FBN1: variants seen among roughly 807,000 people sequenced by gnomAD.
The protein encoded by FBN1 is fibrillin 1.
A neutral mutation model predicts 365.1 loss-of-function variants in FBN1; 29 were observed. The ratio of observed to expected loss-of-function variants is 0.08; its 90% CI spans 0.06 to 0.11. FBN1 has a LOEUF of 0.11. FBN1 is among the 10% of genes least tolerant of loss of function. The pLI, the probability that FBN1 is intolerant of heterozygous loss-of-function variation, is 1.00. For synonymous variants in FBN1, 1,210 were observed against 1,270.5 expected, an observed-to-expected ratio of 0.95 and a Z score of 1.01; for missense variants, 2,476 against 3,703.2, an observed-to-expected ratio of 0.67 and a Z score of 8.60.
rs1025629175 is a variant in FBN1 at position 48,494,328 on chromosome 15, T to C, written c.2678-74A>G. The C allele has an allele frequency of 1.3e-5, 15 of 1,119,680 alleles. No homozygotes were observed. In the African/African-American group the frequency reaches 2.3e-4, roughly 17 times the overall value. The allele number at this position is 1,119,680 out of a possible 1,614,324, so 69.4% of individuals were successfully genotyped here. On this transcript the variant is annotated intron_variant, in intron 22 of 65. Coordinates refer to ENST00000316623, the MANE Select transcript of FBN1 (RefSeq NM_000138.5). ...ATATCCAGACTTTGCAGTTCTGACA[T>C]AGTGTAAGAAACATGAAAGATGACC...
At position 48,487,093 on chromosome 15, in the gene FBN1, C is replaced by T. The variant is rs370121450; in HGVS notation, c.3571G>A (p.Asp1191Asn). Residue 1191 changes from aspartate to asparagine, a missense_variant, in exon 29 of 66, where the codon GAT (aspartate) becomes AAT (asparagine). This residue lies in a region of FBN1 where 1,780 missense variants were observed against 2,840.8 expected (regional missense o/e 0.63). Coordinates refer to ENST00000316623, the MANE Select transcript of FBN1 (RefSeq NM_000138.5). Reference protein sequence around the residue: ...ACNPGYHSTPDRLFCVDIDEC... With the variant: ...ACNPGYHSTPNRLFCVDIDEC... ...AACTTACCAACACAAAATAGCCTAT[C>T]GGGAGTTGAATGGTAGCCAGGGTTG... The T allele has an allele frequency of 4.3e-6, 7 of 1,613,214 alleles. No homozygotes were observed. Among genetic ancestry groups the T allele is most frequent in the East Asian group, 2.2e-5 (1 of 44,876 alleles).
chr15:48,609,526 C>A (rs1370509006), intron 4 of FBN1, among the ~76,000 whole-genome samples: 2 of 152,216 alleles, frequency 1.3e-5, no homozygotes, highest in African/African-American at 4.8e-5. Flanking sequence ...CTGTGAACAG[C>A]GAGGGCTCGG....
chr15:48,614,477 C>A (rs142701268), intron 2 of FBN1, among the ~76,000 whole-genome samples: 253 of 152,284 alleles, frequency 1.7e-3, no homozygotes, highest in African/African-American at 5.9e-3. Context: ...TGGGAACCAA[C>A]ATAAGGTCTT....
intron 6 of FBN1, among the ~76,000 whole-genome samples, chr15:48,575,381 C>T (rs1276752923): frequency 1.3e-5 from 2 of 152,062 alleles, no homozygotes; most frequent in Admixed American, 6.6e-5. Context: ...GGGGTACAAG[C>T]GCAGGTTTCT....
intron 6 of FBN1, among the ~76,000 whole-genome samples, chr15:48,577,430 T>C (rs1405952720): frequency 6.6e-6 from 1 of 152,166 alleles, no homozygotes; most frequent in African/African-American, 2.4e-5. Context: ...AGAAACTCAG[T>C]TCTCAAAATT....
chr15:48,429,783 T>C (rs2043011168), intron 56 of FBN1, among the ~76,000 whole-genome samples: 1 of 152,226 alleles, frequency 6.6e-6, no homozygotes, highest in Non-Finnish European at 1.5e-5. Context: ...CAATCTGTAT[T>C]GTACAGAGTA....
In FBN1 at chr15:48,468,700, G is replaced by A. The variant is rs11855195; in HGVS notation, c.4460-166C>T. 0.098 allele frequency among the ~76,000 whole-genome samples: 14,711 copies of A among 149,928 alleles called. 860 individuals are homozygous for A. Among genetic ancestry groups the A allele is most frequent in the Non-Finnish European group, 0.13 (8,632 of 67,212 alleles). On this transcript the variant is annotated intron_variant, in intron 36 of 65. Coordinates refer to ENST00000316623, the MANE Select transcript of FBN1 (RefSeq NM_000138.5). ...TCCACTTCAGAGATAAAACACCTCA[G>A]GAAGGAAATATGATATAGTCTTTGG...
At chr15:48,548,445 T>C (rs1305961068) in intron 6 of FBN1, among the ~76,000 whole-genome samples, 1 of 152,236 alleles carries the variant, frequency 6.6e-6, no homozygotes, top group Non-Finnish European at 1.5e-5. Context: ...ACTCTAGTTC[T>C]AGCTAAGTGT....
chr15:48,568,985 T>C (rs996356780), intron 6 of FBN1, among the ~76,000 whole-genome samples: 16 of 152,036 alleles, frequency 1.1e-4, no homozygotes, highest in Non-Finnish European at 2.1e-4. Flanking sequence ...AAAAGACTGA[T>C]AATTTAGACA....
At chr15:48,441,384 AG>A (rs1354837781) in intron 50 of FBN1, among the ~76,000 whole-genome samples, 1 of 152,080 alleles carries the variant, frequency 6.6e-6, no homozygotes, top group African/African-American at 2.4e-5. Context: ...ATCTCTTCAG[AG>A]GTAGGGGATA....
intron 44 of FBN1, among the ~76,000 whole-genome samples, 162 bp from the exon 45 acceptor site, chr15:48,452,846 C>T (rs554210303): frequency 5.1e-4 from 77 of 152,300 alleles, no homozygotes; most frequent in African/African-American, 1.8e-3. Flanking sequence ...AATTTGGAAG[C>T]AACCAAGATG....
chr15:48,505,266 A>G (rs1367906144), intron 15 of FBN1, 119 bp from the exon 16 acceptor site: 2 of 1,191,650 alleles, frequency 1.7e-6, no homozygotes, highest in African/African-American at 3.0e-5. Flanking sequence ...ATGCAGCATC[A>G]GCAACAAAAG....
chr15:48,556,854 C>T (rs1318406560), intron 6 of FBN1, among the ~76,000 whole-genome samples: 2 of 152,156 alleles, frequency 1.3e-5, no homozygotes, highest in Non-Finnish European at 2.9e-5. Flanking sequence ...GTCTCAAGCA[C>T]ATATTTTTTA....
intron 14 of FBN1, among the ~76,000 whole-genome samples, chr15:48,509,394 A>G (rs1338909524): frequency 6.7e-6 from 1 of 149,370 alleles, no homozygotes; most frequent in African/African-American, 2.4e-5. Flanking sequence ...GGCTTTAGAA[A>G]GACCAAAGTG....
At chr15:48,512,263 A>T (rs1007863467) in intron 13 of FBN1, among the ~76,000 whole-genome samples, 1 of 152,234 alleles carries the variant, frequency 6.6e-6, no homozygotes, top group Non-Finnish European at 1.5e-5. Flanking sequence ...GGCAAATAAG[A>T]TTAACTCTTG....
intron 55 of FBN1, among the ~76,000 whole-genome samples, chr15:48,432,243 A>G (rs1390020069): frequency 6.6e-6 from 1 of 152,178 alleles, no homozygotes; most frequent in African/African-American, 2.4e-5. Flanking sequence ...GCAAAATTAT[A>G]TTTACGCCAT....
intron 6 of FBN1, among the ~76,000 whole-genome samples, chr15:48,571,645 A>T (rs2044306281): frequency 1.3e-5 from 2 of 152,174 alleles, no homozygotes; most frequent in South Asian, 4.1e-4. Flanking sequence ...TATTTAAAAA[A>T]TCCCTATGAT....
intron 8 of FBN1, among the ~76,000 whole-genome samples, chr15:48,531,512 G>A (rs1197355294): frequency 8.5e-5 from 13 of 152,092 alleles, no homozygotes; most frequent in Admixed American, 8.5e-4. Context: ...GCCACTCAAA[G>A]CAATGGCAAA....
At chr15:48,433,937 C>G (rs1028186746) in intron 54 of FBN1, among the ~76,000 whole-genome samples, 1 of 152,168 alleles carries the variant, frequency 6.6e-6, no homozygotes, top group Non-Finnish European at 1.5e-5. Context: ...GGGCTCCACC[C>G]CACTCTCGGA....
Sources: gnomAD v4.1 joint callset for allele counts (sites outside exome capture counted in the v4.1 genomes callset) on GRCh38, gnomAD v4.1.1 for gene constraint, gnomAD v4.1.1 regional missense constraint, MANE v1.5 for transcripts, NCBI Gene and HGNC (gene_info 2026-07-23, HGNC 2026-07-21) for gene names.